Variants in PRPF18 observed in about 807,000 individuals in gnomAD.
PRPF18 encodes the protein pre-mRNA processing factor 18, also known as pre-mRNA-splicing factor 18.
In PRPF18, 38 loss-of-function variants were observed where a neutral mutation model predicts 46.5. That is an observed-to-expected ratio of 0.82 (90% CI 0.63 to 1.07). PRPF18 has a LOEUF of 1.07. PRPF18 is among the 50% of genes least tolerant of loss of function. The pLI is 0.00. For missense variants in PRPF18, 263 were observed against 410.0 expected (o/e 0.64, Z 3.10); for synonymous variants, 152 against 146.7 (o/e 1.04, Z -0.26).
chr10:13,595,947 T>G (rs1225263284), intron 1 of PRPF18, among the ~76,000 whole-genome samples: 1 of 152,204 alleles, frequency 6.6e-6, no homozygotes, highest in African/African-American at 2.4e-5. Flanking sequence ...AACCAAAATA[T>G]GATCACACCC....
chr10:13,645,363 A>AC, the PRPF18 span: 143,566 of 144,518 alleles, frequency 0.99, 71,308 homozygotes, highest in East Asian at 1. Context: ...TTCCACCCCC[A>AC]CCCCATCCCC....
At chr10:13,654,304 A>G in the PRPF18 span, 3 of 782,188 alleles carry the variant, frequency 3.8e-6, no homozygotes, top group Non-Finnish European at 6.9e-6. Flanking sequence ...GACACCTCCC[A>G]GTGATGAACC....
intron 9 of PRPF18, among the ~76,000 whole-genome samples, chr10:13,626,313 T>G (rs763894006): frequency 2.0e-5 from 3 of 152,206 alleles, no homozygotes; most frequent in Non-Finnish European, 4.4e-5. Context: ...TTCCCTGGCA[T>G]GTCTGATCAG....
Position 13,611,092 on chromosome 10 carries a change from G to A in PRPF18, c.511-523G>A, listed in dbSNP as rs115487635. On this transcript the variant is annotated intron_variant, in intron 5 of 9. Coordinates refer to ENST00000378572, the MANE Select transcript of PRPF18 (RefSeq NM_003675.4). ...TGTCCCTCTGAATAAGATCATAGTT[G>A]AGGAAGACGTCATTTTAATCCCCTG... Among the ~76,000 whole-genome samples, 1,025 of 151,874 alleles carry A rather than the reference G, an allele frequency of 6.7e-3. 12 individuals carry two copies. The highest frequency in any genetic ancestry group is 0.023 in the African/African-American group (948 of 41,404).
At chr10:13,651,825 AATG>A in the PRPF18 span, 1 of 787,774 alleles carries the variant, frequency 1.3e-6, no homozygotes, top group African/African-American at 1.7e-5. Flanking sequence ...TCCTTGTGGA[AATG>A]ATGACATGGA....
intron 9 of PRPF18, among the ~76,000 whole-genome samples, chr10:13,620,770 T>C (rs1257443470): frequency 2.0e-5 from 3 of 152,252 alleles, no homozygotes; most frequent in Admixed American, 2.0e-4. Flanking sequence ...AGGGGCAGTT[T>C]CACTGGAACA....
intron 9 of PRPF18, among the ~76,000 whole-genome samples, chr10:13,621,065 G>T (rs1455361967): frequency 3.3e-5 from 5 of 152,192 alleles, no homozygotes; most frequent in Non-Finnish European, 5.9e-5. Flanking sequence ...GAAGCTCTGG[G>T]TTATTTAGAA....
the PRPF18 span, chr10:13,647,506 C>T: frequency 1.3e-5 from 2 of 150,754 alleles, no homozygotes; most frequent in African/African-American, 2.5e-5. Flanking sequence ...CTCCGTGAGA[C>T]CCCAGGGCTA....
the PRPF18 span, chr10:13,654,387 A>G: frequency 7.2e-7 from 1 of 1,380,568 alleles, no homozygotes; most frequent in South Asian, 1.2e-5. Flanking sequence ...TCGAGCTGAC[A>G]CAGTGAAGAA....
intron 3 of PRPF18, among the ~76,000 whole-genome samples, chr10:13,601,073 G>A (rs999776874): frequency 1.2e-4 from 19 of 152,154 alleles, no homozygotes; most frequent in Middle Eastern, 3.4e-3. Flanking sequence ...GAGCCACCGC[G>A]CCTGGCCGCA....
At chr10:13,609,928 CTCT>C in intron 4 of PRPF18, 108 bp from the exon 5 acceptor site, 2 of 1,190,156 alleles carry the variant, frequency 1.7e-6, no homozygotes, top group Non-Finnish European at 2.4e-6. Context: ...TTTTGCTGAA[CTCT>C]TCTTGTGGGG....
At chr10:13,614,554 T>C (rs2080313846) in intron 8 of PRPF18, among the ~76,000 whole-genome samples, 1 of 152,166 alleles carries the variant, frequency 6.6e-6, no homozygotes, top group Non-Finnish European at 1.5e-5. Flanking sequence ...TGTAATTGTT[T>C]CTATGGGGAA....
At chr10:13,613,605 A>G (rs556731692) in intron 6 of PRPF18, 136 bp from the exon 7 acceptor site, 1 of 972,746 alleles carries the variant, frequency 1.0e-6, no homozygotes, top group Non-Finnish European at 1.5e-6. Flanking sequence ...AGCTTATTCT[A>G]TATTATTTGG....
Position 13,630,500 on chromosome 10 carries a change from C to T in PRPF18, c.*160C>T, listed in dbSNP as rs1439857733. 12 of 464,352 alleles carry T rather than the reference C, an allele frequency of 2.6e-5. No individual in the cohort carries two copies. The East Asian group carries it at 3.8e-4, about 15-fold the overall frequency. The allele number at this position is 464,352 out of a possible 1,614,324, so 28.8% of individuals were successfully genotyped here. ...GATTGGTTTTAAGAACTTTGTTGGC[C>T]TTCATTTCATATCTGACTGCAAGCT... On this transcript the variant is annotated 3_prime_UTR_variant, in exon 10 of 10. Transcript: ENST00000378572.
intron 4 of PRPF18, among the ~76,000 whole-genome samples, chr10:13,608,660 A>C (rs903826286): frequency 6.6e-6 from 1 of 152,102 alleles, no homozygotes; most frequent in Non-Finnish European, 1.5e-5. Context: ...TTCCTTCTCC[A>C]TGTGCCTATG....
rs544148729 is a variant in PRPF18, at chr10:13,587,080, C to T, written c.-7C>T. On this transcript the variant is annotated 5_prime_UTR_variant, in exon 1 of 10. Transcript: ENST00000378572. ...CGGGAAACTGGAGCTTAAATTCTGG[C>T]GGCGAGATGGACATTCTGAAATCAG... 2 of 1,613,932 alleles carry T rather than the reference C, an allele frequency of 1.2e-6. No individual in the cohort carries two copies. Among genetic ancestry groups the T allele is most frequent in the East Asian group, 2.2e-5 (1 of 44,884 alleles).
the PRPF18 span, chr10:13,639,398 G>C: frequency 2.0e-5 from 3 of 152,146 alleles, no homozygotes; most frequent in African/African-American, 7.2e-5. Context: ...AGATGTGAAA[G>C]ATACTTCAGA....
At chr10:13,641,004 CTCTT>C in the PRPF18 span, 1 of 152,262 alleles carries the variant, frequency 6.6e-6, no homozygotes, top group African/African-American at 2.4e-5. Flanking sequence ...ATCTTAAGGC[CTCTT>C]TCTACCTCCA....
At chr10:13,597,408 G>T in intron 1 of PRPF18, 50 bp from the exon 2 acceptor site, 1 of 1,322,570 alleles carries the variant, frequency 7.6e-7, no homozygotes, top group Non-Finnish European at 1.0e-6. Flanking sequence ...TATGGGACAT[G>T]AAATTTTGCT....
Sources: allele counts gnomAD v4.1 joint callset (sites outside exome capture counted in the v4.1 genomes callset), GRCh38; gene constraint gnomAD v4.1.1; transcripts MANE v1.5; gene names NCBI Gene and HGNC (gene_info 2026-07-23, HGNC 2026-07-21).